The following OR56A3 variants were observed in gnomAD, a reference collection of about 807,000 sequenced individuals.
OR56A3 encodes olfactory receptor 56A3.
In OR56A3, 23 loss-of-function variants were observed where a neutral mutation model predicts 17.5. The observed-to-expected ratio is 1.32, with a 90% confidence interval of 0.95 to 1.87. The LOEUF is 1.87. OR56A3 is among the 40% of genes most tolerant of loss of function. The probability of loss-of-function intolerance (pLI) is 0.00; values close to 1 mark genes in which losing one functional copy is unlikely to be tolerated. For missense variants in OR56A3, 366 were observed against 380.1 expected (o/e 0.96, Z 0.31); for synonymous variants, 175 against 150.6 (o/e 1.16, Z -1.19).
the OR56A3 span, among the ~76,000 whole-genome samples, chr11:6,004,360 A>C: frequency 2.0e-5 from 3 of 152,132 alleles, no homozygotes. Flanking sequence ...CTCAGAAAAA[A>C]AAGAAAAAAG....
chr11:5,987,083 G>T, the OR56A3 span: 1 of 677,380 alleles, frequency 1.5e-6, no homozygotes. Context: ...TTACAAGTGA[G>T]ACATCCACAT....
the OR56A3 span, among the ~76,000 whole-genome samples, chr11:5,982,358 G>C: frequency 6.6e-6 from 1 of 152,154 alleles, no homozygotes; most frequent in East Asian, 1.9e-4. Context: ...AAAGCAGTGG[G>C]GGCAGGGTGC....
chr11:6,003,290 G>T, the OR56A3 span: 2 of 534,848 alleles, frequency 3.7e-6, no homozygotes, highest in Non-Finnish European at 6.3e-6. Context: ...TAGAGATAAG[G>T]GAAAATTGTA....
At chr11:6,017,909 A>G in the OR56A3 span, among the ~76,000 whole-genome samples, 1 of 152,176 alleles carries the variant, frequency 6.6e-6, no homozygotes, top group Non-Finnish European at 1.5e-5. Flanking sequence ...GGACGGGAGT[A>G]ACTATACTTA....
the OR56A3 span, chr11:6,002,510 A>C: frequency 1.2e-6 from 2 of 1,614,260 alleles, no homozygotes; most frequent in Non-Finnish European, 1.7e-6. Flanking sequence ...GCATGGGAAC[A>C]GGAAGAGAAA....
chr11:5,981,971 G>A, the OR56A3 span, among the ~76,000 whole-genome samples: 6 of 152,182 alleles, frequency 3.9e-5, no homozygotes, highest in African/African-American at 1.4e-4. Context: ...TAACCCTGAG[G>A]AGCTGGGACA....
the OR56A3 span, among the ~76,000 whole-genome samples, chr11:5,991,497 G>A: frequency 6.6e-6 from 1 of 152,200 alleles, no homozygotes; most frequent in Non-Finnish European, 1.5e-5. Flanking sequence ...TAGAAGCCAG[G>A]AGGAGAAAGT....
chr11:5,963,809 A>C, the OR56A3 span, among the ~76,000 whole-genome samples: 1 of 151,266 alleles, frequency 6.6e-6, no homozygotes, highest in Non-Finnish European at 1.5e-5. Context: ...TTCTCTACTC[A>C]CTCTTGAATG....
chr11:5,960,316 G>C, the OR56A3 span, among the ~76,000 whole-genome samples: 1 of 151,814 alleles, frequency 6.6e-6, no homozygotes, highest in Non-Finnish European at 1.5e-5. Context: ...CCCAGCTGAG[G>C]CTGGACTGTA....
At chr11:5,994,281 G>A in the OR56A3 span, 18 of 616,338 alleles carry the variant, frequency 2.9e-5, 1 homozygote, top group South Asian at 2.5e-4. Flanking sequence ...TCAGCTCCAT[G>A]AGTGTCATCT....
chr11:5,972,104 G>C, the OR56A3 span, among the ~76,000 whole-genome samples: 1 of 152,272 alleles, frequency 6.6e-6, no homozygotes, highest in Non-Finnish European at 1.5e-5. Context: ...ACCAGCTTTT[G>C]CCCTAAGCCT....
chr11:6,011,325 T>G, the OR56A3 span, among the ~76,000 whole-genome samples: 1 of 152,026 alleles, frequency 6.6e-6, no homozygotes, highest in East Asian at 1.9e-4. Flanking sequence ...AGCACTCATA[T>G]ACTAATGTAA....
chr11:6,003,012 C>A, the OR56A3 span: 75 of 1,613,986 alleles, frequency 4.6e-5, no homozygotes, highest in Non-Finnish European at 6.1e-5. Context: ...CCTGATCAAT[C>A]TGGAGACCCA....
the OR56A3 span, chr11:5,985,960 A>G: frequency 6.2e-7 from 1 of 1,608,444 alleles, no homozygotes; most frequent in Admixed American, 1.7e-5. Flanking sequence ...TTGTGTAAAC[A>G]CTCTGAGCAC....
At chr11:5,975,777 C>T in the OR56A3 span, among the ~76,000 whole-genome samples, 21 of 152,046 alleles carry the variant, frequency 1.4e-4, no homozygotes, top group South Asian at 6.2e-4. Flanking sequence ...CCTGAGGAAT[C>T]GCCACACTGA....
At chr11:5,959,159 G>A in the OR56A3 span, among the ~76,000 whole-genome samples, 1 of 152,120 alleles carries the variant, frequency 6.6e-6, no homozygotes, top group African/African-American at 2.4e-5. Context: ...GGGAATGCTA[G>A]ATCATATGGC....
the OR56A3 span, among the ~76,000 whole-genome samples, chr11:5,975,272 A>G: frequency 6.6e-6 from 1 of 152,078 alleles, no homozygotes; most frequent in Non-Finnish European, 1.5e-5. Context: ...TTTGTCACAT[A>G]TGTATACATG....
chr11:5,999,165 G>C, the OR56A3 span, among the ~76,000 whole-genome samples: 1 of 152,252 alleles, frequency 6.6e-6, no homozygotes, highest in East Asian at 1.9e-4. Flanking sequence ...ATAAGCAAGA[G>C]AACTTCTCAA....
At chr11:5,985,431 C>A in the OR56A3 span, among the ~76,000 whole-genome samples, 1,373 of 152,234 alleles carry the variant, frequency 9.0e-3, 6 homozygotes, top group Non-Finnish European at 0.016. Flanking sequence ...ATAAGTAATA[C>A]CCATATTGCA....
Sources: gnomAD v4.1 joint callset for allele counts (sites outside exome capture counted in the v4.1 genomes callset) on GRCh38, gnomAD v4.1.1 for gene constraint, MANE v1.5 for transcripts, NCBI Gene and HGNC (gene_info 2026-07-23, HGNC 2026-07-21) for gene names.